Variants in MAP2K1 observed in about 807,000 individuals in gnomAD.
MAP2K1 encodes the protein dual specificity mitogen-activated protein kinase kinase 1.
Under a neutral mutation model 46.3 loss-of-function variants are expected in MAP2K1, and 16 were observed. The observed-to-expected ratio is 0.35, with a 90% CI of 0.23 to 0.52. The LOEUF (loss-of-function observed/expected upper bound fraction) is 0.52, where lower values mean the gene tolerates loss of function less well. Ranked by LOEUF, MAP2K1 falls within the 20% of genes least tolerant of loss-of-function variation. MAP2K1 has a pLI of 0.94. For synonymous variants in MAP2K1, 183 were observed against 185.6 expected (o/e 0.99, Z 0.11); for missense variants, 263 against 497.1 (o/e 0.53, Z 4.48).
At chr15:66,478,417 C>CACAGGTATATATATAT (rs1567023711) in intron 5 of MAP2K1, among the ~76,000 whole-genome samples, 5,780 of 110,834 alleles carry the variant, frequency 0.052, 179 homozygotes, top group Non-Finnish European at 0.074. Flanking sequence ...TATATATACA[C>CACAGGTATATATATAT]ACAGGTATAT....
At chr15:66,471,591 T>C (rs1359730071) in intron 5 of MAP2K1, among the ~76,000 whole-genome samples, 2 of 152,184 alleles carry the variant, frequency 1.3e-5, no homozygotes, top group Admixed American at 6.5e-5. Context: ...CAGCTGATGA[T>C]AAGAATCACT....
intron 4 of MAP2K1, among the ~76,000 whole-genome samples, chr15:66,444,290 T>C (rs975560386): frequency 6.7e-6 from 1 of 149,914 alleles, no homozygotes; most frequent in African/African-American, 2.5e-5. Flanking sequence ...TCCCAGCACT[T>C]TGGGAGGCCA....
At chr15:66,440,049 A>G (rs1279383317) in intron 3 of MAP2K1, among the ~76,000 whole-genome samples, 1 of 152,002 alleles carries the variant, frequency 6.6e-6, no homozygotes, top group Non-Finnish European at 1.5e-5. Flanking sequence ...TTTACCATAT[A>G]TCCATTTCTC....
chr15:66,422,363 A>G (rs1347264426), intron 1 of MAP2K1, among the ~76,000 whole-genome samples: 1 of 152,206 alleles, frequency 6.6e-6, no homozygotes, highest in Non-Finnish European at 1.5e-5. Flanking sequence ...CGTCTAAACC[A>G]GGGGTTTAGA....
chr15:66,410,223 G>C (rs2093408023), intron 1 of MAP2K1, among the ~76,000 whole-genome samples: 1 of 152,176 alleles, frequency 6.6e-6, no homozygotes, highest in African/African-American at 2.4e-5. Context: ...AGTTTGAAAT[G>C]AATAAAAGTG....
chr15:66,432,338 G>A, intron 1 of MAP2K1, among the ~76,000 whole-genome samples: 1 of 152,224 alleles, frequency 6.6e-6, no homozygotes, highest in East Asian at 1.9e-4. Context: ...AAACGGCAAG[G>A]CATAGGAGGT....
rs1567003160 is a variant in MAP2K1 at position 66,420,819 on chromosome 15, A to ATATATATGTG, written c.81-14201_81-14200insGTGTATATAT. ...TATATATATGTGTATATATATGTGTATATATATATGTGTATATATATGTGT... is the reference window on the plus strand; with the variant it reads ...TATATATATGTGTATATATATGTGTATATATATGTGTATATATATGTGTATATATATGTGT... On this transcript the variant is annotated intron_variant, in intron 1 of 10. Coordinates refer to ENST00000307102, the MANE Select transcript of MAP2K1 (RefSeq NM_002755.4). Among the ~76,000 whole-genome samples, 172 of 61,140 alleles carry ATATATATGTG rather than the reference A, an allele frequency of 2.8e-3. 7 individuals carry two copies. The highest frequency in any genetic ancestry group is 9.3e-3 in the African/African-American group (165 of 17,804). 40.1% of individuals were successfully genotyped at this position (61,140 alleles called of 152,430 possible).
At chr15:66,395,483 C>T (rs2140520100) in intron 1 of MAP2K1, among the ~76,000 whole-genome samples, 1 of 152,020 alleles carries the variant, frequency 6.6e-6, no homozygotes, top group Middle Eastern at 3.4e-3. Flanking sequence ...GTGCCACCAG[C>T]ATACTGTTGC....
chr15:66,452,604 A>G (rs1655122611), intron 5 of MAP2K1, among the ~76,000 whole-genome samples: 2 of 152,236 alleles, frequency 1.3e-5, no homozygotes, highest in South Asian at 2.1e-4. Flanking sequence ...GTCTACCACT[A>G]TGCAAGGACG....
At chr15:66,448,152 CAAAAAAAA>C (rs67953737) in intron 5 of MAP2K1, among the ~76,000 whole-genome samples, 1 of 86,980 alleles carries the variant, frequency 1.1e-5, no homozygotes, top group East Asian at 3.5e-4. Context: ...GACTCCATCT[CAAAAAAAA>C]AAAAAAAAAA....
intron 1 of MAP2K1, among the ~76,000 whole-genome samples, chr15:66,393,661 C>T (rs1464601199): frequency 6.6e-6 from 1 of 152,226 alleles, no homozygotes; most frequent in Non-Finnish European, 1.5e-5. Flanking sequence ...GCCTACAAGG[C>T]CCTACCTGAC....
At chr15:66,468,269 C>CT (rs532972698) in intron 5 of MAP2K1, among the ~76,000 whole-genome samples, 10 of 151,536 alleles carry the variant, frequency 6.6e-5, no homozygotes, top group Non-Finnish European at 1.0e-4. Flanking sequence ...GACAGACCTC[C>CT]TTTTTTTTTC....
chr15:66,392,554 C>CTTTTT (rs71287024), intron 1 of MAP2K1, among the ~76,000 whole-genome samples: 30 of 129,022 alleles, frequency 2.3e-4, no homozygotes, highest in Non-Finnish European at 2.7e-4. Flanking sequence ...CTTTTCTTTT[C>CTTTTT]TTTTTTTTTT....
At chr15:66,409,539 C>T (rs748050584) in intron 1 of MAP2K1, among the ~76,000 whole-genome samples, 2 of 152,186 alleles carry the variant, frequency 1.3e-5, no homozygotes, top group African/African-American at 2.4e-5. Flanking sequence ...TCCGCCACGC[C>T]TCTGGGGACT....
intron 1 of MAP2K1, 80 bp downstream of exon 1, chr15:66,387,507 C>T: frequency 2.8e-6 from 4 of 1,407,644 alleles, no homozygotes; most frequent in Middle Eastern, 1.8e-4. Flanking sequence ...CGCCAGGCTC[C>T]GATCTGGTTT....
rs575418583 is a variant in MAP2K1, at chr15:66,399,347, A to G, written c.80+11920A>G. On this transcript the variant is annotated intron_variant, in intron 1 of 10. Coordinates refer to ENST00000307102, the MANE Select transcript of MAP2K1 (RefSeq NM_002755.4). ...ACTCATTCCAAGTCTTATGTACTTTAATGTCAACTAATATTTGCTCTTTCC... is the reference window on the plus strand; with the variant it reads ...ACTCATTCCAAGTCTTATGTACTTTGATGTCAACTAATATTTGCTCTTTCC... 9.8e-5 allele frequency among the ~76,000 whole-genome samples: 15 copies of G among 152,346 alleles called. 1 individual carries two copies. In the East Asian group the frequency reaches 1.2e-3, roughly 12 times the overall value.
At chr15:66,420,777 G>T (rs866799014) in intron 1 of MAP2K1, among the ~76,000 whole-genome samples, 1 of 31,462 alleles carries the variant, frequency 3.2e-5, no homozygotes, top group Non-Finnish European at 8.6e-5. Context: ...GTATATATAT[G>T]TGTATATATA....
chr15:66,487,733 C>A (rs773627603), intron 8 of MAP2K1, among the ~76,000 whole-genome samples: 1 of 152,184 alleles, frequency 6.6e-6, no homozygotes, highest in Middle Eastern at 3.4e-3. Context: ...AGGATTAGTT[C>A]GTCGCTGCTT....
At chr15:66,488,816 T>TAAATTGC in intron 8 of MAP2K1, 2 of 248,228 alleles carry the variant, frequency 8.1e-6, no homozygotes, top group Non-Finnish European at 1.6e-5. Context: ...GCTGGTTACG[T>TAAATTGC]TCCCATGCCG....
Sources: allele counts gnomAD v4.1 joint callset (sites outside exome capture counted in the v4.1 genomes callset), GRCh38; gene constraint gnomAD v4.1.1; transcripts MANE v1.5; gene names NCBI Gene and HGNC (gene_info 2026-07-23, HGNC 2026-07-21).